The following COL3A1 variants were observed in gnomAD, a reference collection of about 807,000 sequenced individuals.
COL3A1 encodes collagen type III alpha 1 chain, also known as collagen alpha-1(III) chain.
COL3A1 carries 46 observed loss-of-function variants against 200.9 expected under a neutral mutation model. That is an observed-to-expected ratio of 0.23 (90% CI 0.18 to 0.29). The LOEUF (loss-of-function observed/expected upper bound fraction) is 0.29, where lower values mean the gene tolerates loss of function less well. Ranked by LOEUF, COL3A1 falls within the 10% of genes least tolerant of loss-of-function variation. The probability of loss-of-function intolerance (pLI) is 1.00; values close to 1 mark genes in which losing one functional copy is unlikely to be tolerated. For missense variants in COL3A1, 1,367 were observed against 1,917.6 expected, an observed-to-expected ratio of 0.71 and a Z score of 5.36; for synonymous variants, 650 against 628.0, an observed-to-expected ratio of 1.03 and a Z score of -0.52.
Position 188,991,508 on chromosome 2 carries a change from G to A in COL3A1, c.874G>A (p.Glu292Lys), listed in dbSNP as rs138818489. The change falls in exon 12 of 51, where the codon GAA (glutamate) becomes AAA (lysine). Residue 292 changes from glutamate to lysine, a missense_variant. Transcript: ENST00000304636. Reference sequence around the variant, plus strand: ...CTAGGGTGAAAATGGTCTTCCAGGCGAAAATGGAGCTCCTGGACCCATGGT... The same window carrying A: ...CTAGGGTGAAAATGGTCTTCCAGGCAAAAATGGAGCTCCTGGACCCATGGT... Reference protein sequence around the residue: ...GLKGENGLPGENGAPGPMGPR... With the variant: ...GLKGENGLPGKNGAPGPMGPR... 24 of 1,610,954 alleles carry A rather than the reference G, an allele frequency of 1.5e-5. No homozygotes were observed. The highest frequency in any genetic ancestry group is 6.7e-5 in the East Asian group (3 of 44,846).
chr2:189,005,155 G>A (rs1271630415), intron 40 of COL3A1, among the ~76,000 whole-genome samples, 195 bp from the exon 41 acceptor site: 1 of 152,164 alleles, frequency 6.6e-6, no homozygotes, highest in Non-Finnish European at 1.5e-5. Context: ...GCCATCCAGA[G>A]TCACTGAGCA....
In COL3A1 at chr2:188,991,510, A is replaced by G. The variant is rs1178625813; in HGVS notation, c.876A>G (p.Glu292=). ...GLKGENGLPG[E]NGAPGPMGPR... The stretch of plus-strand genomic sequence containing the variant: ...AGGGTGAAAATGGTCTTCCAGGCGA[A>G]AATGGAGCTCCTGGACCCATGGTAA... The change falls in exon 12 of 51, where the codon GAA becomes GAG. Residue 292 remains glutamate, a synonymous_variant. Transcript: ENST00000304636. The G allele has an allele frequency of 6.2e-7, 1 of 1,611,762 alleles. No homozygotes were observed. Among genetic ancestry groups the G allele is most frequent in the Admixed American group, 1.7e-5 (1 of 59,998 alleles).
At position 189,006,358 on chromosome 2, in the gene COL3A1, A is replaced by C; in HGVS notation, c.3107A>C (p.Glu1036Ala). The C allele has an allele frequency of 6.2e-7, 1 of 1,614,172 alleles. No homozygotes were observed. The highest frequency in any genetic ancestry group is 8.5e-7 in the Non-Finnish European group (1 of 1,180,026). ...GSPGGKGDRG[E>A]NGSPGAPGAP... ...ATTTGTTCACAGGGTGATCGTGGTG[A>C]AAATGGCTCTCCTGGTGCCCCTGGC... Residue 1036 changes from glutamate (E) to alanine (A), a missense_variant, in exon 43 of 51, where the codon GAA becomes GCA. By Grantham distance (107) the Glu-to-Ala change is moderately radical. Around this residue, in one of 5 missense-constraint regions of COL3A1, gnomAD observed 846 missense variants for 1,147.9 expected, o/e 0.74. Coordinates refer to ENST00000304636, the MANE Select transcript of COL3A1 (RefSeq NM_000090.4).
At position 188,988,736 on chromosome 2, in the gene COL3A1, G is replaced by T. The variant is rs879259575; in HGVS notation, c.636+93G>T. On this transcript the variant is annotated intron_variant, in intron 7 of 50. Transcript: ENST00000304636. ...AAACAAGTATAGGTCTTTACAGAAT[G>T]AAGATTAAATTTACCCTTAAGTTTG... 5.8e-6 allele frequency: 5 copies of T among 855,460 alleles called. No homozygotes were observed. In the Admixed American group the frequency reaches 1.2e-4, roughly 20 times the overall value. 53.0% of individuals were successfully genotyped at this position (855,460 alleles called of 1,614,324 possible). A position where few individuals can be genotyped will look rare whatever the true frequency, so the allele number is the denominator to read the frequency against.
Position 189,010,785 on chromosome 2 carries a change from T to A in COL3A1, c.4149T>A (p.Ser1383Arg). The A allele has an allele frequency of 6.2e-7, 1 of 1,614,018 alleles. No individual in the cohort carries two copies. The highest frequency in any genetic ancestry group is 8.5e-7 in the Non-Finnish European group (1 of 1,179,986). ...KNSIAYMDQA[S>R]GNVKKALKLM... is the part of the protein sequence containing the mutation. Reference sequence around the variant, plus strand: ...GCATTGCATACATGGATCAGGCCAGTGGAAATGTAAAGAAGGCCCTGAAGC... The same window carrying A: ...GCATTGCATACATGGATCAGGCCAGAGGAAATGTAAAGAAGGCCCTGAAGC... The change falls in exon 50 of 51, where the codon AGT (serine) becomes AGA (arginine). Residue 1383 changes from serine to arginine, a missense_variant. Transcript: ENST00000304636.
chr2:188,978,209 A>C (rs1470218679), intron 1 of COL3A1: 1 of 182,534 alleles, frequency 5.5e-6, no homozygotes, highest in African/African-American at 2.4e-5. Context: ...GCATTACAAG[A>C]AAAGAAAGCA....
chr2:188,998,209 G>A (rs897400508), intron 27 of COL3A1, 57 bp from the exon 28 acceptor site: 8 of 1,499,024 alleles, frequency 5.3e-6, no homozygotes, highest in African/African-American at 1.4e-5. Flanking sequence ...CATATGAGAA[G>A]CTTTTCTATA....
At chr2:189,006,878 G>T in intron 43 of COL3A1, 59 bp from the exon 44 acceptor site, 2 of 1,540,710 alleles carry the variant, frequency 1.3e-6, no homozygotes, top group Non-Finnish European at 1.8e-6. Flanking sequence ...AAACGAAATT[G>T]TGTCAACACA....
At chr2:189,009,581 C>G (rs1688674645) in intron 48 of COL3A1, among the ~76,000 whole-genome samples, 1 of 151,880 alleles carries the variant, frequency 6.6e-6, no homozygotes, top group African/African-American at 2.4e-5. Context: ...TGCAATGAAT[C>G]TAATTATTAA....
chr2:188,987,894 T>A (rs1252710481), intron 5 of COL3A1, among the ~76,000 whole-genome samples, 187 bp from the exon 6 acceptor site: 1 of 152,122 alleles, frequency 6.6e-6, no homozygotes, highest in African/African-American at 2.4e-5. Flanking sequence ...CTGTGAGAAT[T>A]TCATTACAGT....
At chr2:188,980,616 A>G (rs1687932387) in intron 1 of COL3A1, among the ~76,000 whole-genome samples, 1 of 150,752 alleles carries the variant, frequency 6.6e-6, no homozygotes, top group Admixed American at 6.6e-5. Context: ...AATAAATAAA[A>G]TCTTATTTTC....
chr2:188,988,717 G>T lies in COL3A1; in HGVS notation c.636+74G>T. 7 of 994,324 alleles carry T rather than the reference G, an allele frequency of 7.0e-6. No individual in the cohort carries two copies. The South Asian group carries it at 9.6e-5, about 14-fold the overall frequency. The allele number at this position is 994,324 out of a possible 1,614,324, so 61.6% of individuals were successfully genotyped here. On this transcript the variant is annotated intron_variant, in intron 7 of 50. Transcript: ENST00000304636. ...AACCTACCTTTGTTTTCTAAAACAAGTATAGGTCTTTACAGAATGAAGATT... is the reference window on the plus strand; with the variant it reads ...AACCTACCTTTGTTTTCTAAAACAATTATAGGTCTTTACAGAATGAAGATT...
chr2:188,992,254 G>A (rs568169734), intron 14 of COL3A1, 26 bp downstream of exon 14: 7 of 1,609,096 alleles, frequency 4.4e-6, no homozygotes, highest in African/African-American at 1.3e-5. Flanking sequence ...TCTCTTATGT[G>A]TTGTAGGGTA....
In COL3A1 at chr2:189,010,821, A is replaced by G; in HGVS notation, c.4185A>G (p.Ser1395=). ...AGAAGGCCCTGAAGCTGATGGGGTC[A>G]AATGAAGGTGAATTCAAGGCTGAAG... ...NVKKALKLMG[S]NEGEFKAEGN... is the part of the protein sequence containing the mutation. Residue 1395 remains serine, a synonymous_variant, in exon 50 of 51, where the codon TCA becomes TCG. Coordinates refer to ENST00000304636, the MANE Select transcript of COL3A1 (RefSeq NM_000090.4). The G allele has an allele frequency of 6.2e-7, 1 of 1,614,188 alleles. No individual in the cohort carries two copies. Among genetic ancestry groups the G allele is most frequent in the Non-Finnish European group, 8.5e-7 (1 of 1,180,002 alleles).
rs1453751959 is a variant in COL3A1, at chr2:189,002,323, C to T, written c.2417C>T (p.Pro806Leu). The change falls in exon 35 of 51, where the codon CCA becomes CTA. Residue 806 changes from proline to leucine, a missense_variant. By Grantham distance (98) the Pro-to-Leu change is moderately conservative. This residue lies in a region of COL3A1 where 846 missense variants were observed against 1,147.9 expected (regional missense o/e 0.74). Coordinates refer to ENST00000304636, the MANE Select transcript of COL3A1 (RefSeq NM_000090.4). The stretch of plus-strand genomic sequence containing the variant: ...GGTGAGAGAGGTGAAACTGGCCCTC[C>T]AGGACCTGCTGGTTTCCCTGGTGCT... ...SPGERGETGP[P>L]GPAGFPGAPG... 1 of 1,613,902 alleles carries T rather than the reference C, an allele frequency of 6.2e-7. No homozygotes were observed. Among genetic ancestry groups the T allele is most frequent in the Non-Finnish European group, 8.5e-7 (1 of 1,179,922 alleles).
In COL3A1 at chr2:189,000,431, G is replaced by C. The variant is rs566611815; in HGVS notation, c.2283+536G>C. On this transcript the variant is annotated intron_variant, in intron 32 of 50. Transcript: ENST00000304636. The stretch of plus-strand genomic sequence containing the variant: ...ATTTGCAAAATAACTTCCTTGTAGA[G>C]ATGTAGAACAGATTAGTGGTTGCTA... 2.0e-5 allele frequency among the ~76,000 whole-genome samples: 3 copies of C among 152,316 alleles called. No homozygotes were observed. In the South Asian group the frequency reaches 6.2e-4, roughly 32 times the overall value.
intron 1 of COL3A1, among the ~76,000 whole-genome samples, chr2:188,975,725 T>G (rs1687795440): frequency 6.6e-6 from 1 of 152,068 alleles, no homozygotes; most frequent in African/African-American, 2.4e-5. Flanking sequence ...ATGTCTTCAG[T>G]TATATTCAGC....
chr2:189,000,738 A>G (rs954215847), intron 32 of COL3A1, among the ~76,000 whole-genome samples: 1 of 152,188 alleles, frequency 6.6e-6, no homozygotes, highest in Non-Finnish European at 1.5e-5. Flanking sequence ...ACGCTGGGAG[A>G]AAAGTGCACA....
At chr2:189,005,690 T>A in intron 41 of COL3A1, 1 of 544,212 alleles carries the variant, frequency 1.8e-6, no homozygotes, top group African/African-American at 1.9e-5. Flanking sequence ...TCTAACTAAA[T>A]TAGGAAAAAA....
Sources: allele counts gnomAD v4.1 joint callset (sites outside exome capture counted in the v4.1 genomes callset), GRCh38; gene constraint gnomAD v4.1.1; regional missense constraint gnomAD v4.1.1; transcripts MANE v1.5; gene names NCBI Gene and HGNC (gene_info 2026-07-23, HGNC 2026-07-21).